The following MACROD2 variants were observed in gnomAD, a reference collection of about 807,000 sequenced individuals.
The protein encoded by MACROD2 is ADP-ribose glycohydrolase MACROD2.
Under a neutral mutation model 70.4 loss-of-function variants are expected in MACROD2, and 36 were observed. That is an observed-to-expected ratio of 0.51 (90% CI 0.39 to 0.68). The LOEUF (loss-of-function observed/expected upper bound fraction) is 0.68, where lower values mean the gene tolerates loss of function less well. Ranked by LOEUF, MACROD2 falls within the 30% of genes least tolerant of loss-of-function variation. The pLI is 0.00. For missense variants in MACROD2, 496 were observed against 538.4 expected (o/e 0.92, Z 0.78); for synonymous variants, 172 against 178.8 (o/e 0.96, Z 0.30).
intron 5 of MACROD2, among the ~76,000 whole-genome samples, chr20:15,035,435 A>G (rs2075305593): frequency 6.6e-6 from 1 of 151,880 alleles, no homozygotes; most frequent in Non-Finnish European, 1.5e-5. Flanking sequence ...ATAAAATAAT[A>G]AAATGTAGGT....
At chr20:14,499,941 T>C (rs2084897901) in intron 4 of MACROD2, among the ~76,000 whole-genome samples, 1 of 152,204 alleles carries the variant, frequency 6.6e-6, no homozygotes, top group Non-Finnish European at 1.5e-5. Context: ...TATTTACACA[T>C]TAATATTTTA....
chr20:14,802,547 A>G (rs145083631), intron 5 of MACROD2, among the ~76,000 whole-genome samples: 2 of 152,084 alleles, frequency 1.3e-5, no homozygotes, highest in Non-Finnish European at 1.5e-5. Context: ...ATTTAGACAT[A>G]TCTAGTGTAC....
At chr20:15,556,994 G>C (rs897376990) in intron 8 of MACROD2, among the ~76,000 whole-genome samples, 2 of 152,106 alleles carry the variant, frequency 1.3e-5, no homozygotes, top group Non-Finnish European at 2.9e-5. Context: ...ATATTAGCTT[G>C]ACCATTGCAA....
At chr20:14,448,752 A>T (rs1038912495) in intron 3 of MACROD2, among the ~76,000 whole-genome samples, 5 of 150,882 alleles carry the variant, frequency 3.3e-5, no homozygotes, top group Non-Finnish European at 1.5e-5. Flanking sequence ...CATGATTTAC[A>T]TTCATGATTA....
At chr20:14,071,545 C>T (rs2053842907) in intron 2 of MACROD2, among the ~76,000 whole-genome samples, 1 of 151,730 alleles carries the variant, frequency 6.6e-6, no homozygotes, top group Non-Finnish European at 1.5e-5. Context: ...CAGGTGTGAG[C>T]CACCGTGCTG....
intron 5 of MACROD2, among the ~76,000 whole-genome samples, chr20:14,753,025 G>A (rs1358298248): frequency 1.3e-5 from 2 of 152,004 alleles, no homozygotes; most frequent in Non-Finnish European, 2.9e-5. Flanking sequence ...TTGTTTGAGG[G>A]TTGCACTCAC....
chr20:15,669,179 C>G (rs910762095), intron 8 of MACROD2, among the ~76,000 whole-genome samples: 2 of 152,180 alleles, frequency 1.3e-5, no homozygotes, highest in African/African-American at 2.4e-5. Flanking sequence ...AAAGGAAACA[C>G]ATTGTACACG....
intron 15 of MACROD2, among the ~76,000 whole-genome samples, chr20:15,998,685 C>G (rs2066667067): frequency 6.6e-6 from 1 of 151,528 alleles, no homozygotes; most frequent in Non-Finnish European, 1.5e-5. Context: ...CTGCCTCAGC[C>G]TCCCAAGTGG....
intron 7 of MACROD2, among the ~76,000 whole-genome samples, chr20:15,464,381 G>C (rs545644296): frequency 6.6e-6 from 1 of 152,268 alleles, no homozygotes; most frequent in East Asian, 1.9e-4. Context: ...TCAGAAATGG[G>C]AGGGAGTGGA....
chr20:14,836,687 A>G lies in MACROD2; in HGVS notation c.418+151728A>G, dbSNP rs187607244. On this transcript the variant is annotated intron_variant, in intron 5 of 17. Coordinates refer to ENST00000684519, the MANE Select transcript of MACROD2 (RefSeq NM_001351661.2). ...TAGATAAATCCTTCCCCTTGCTCCC[A>G]TCTTGAGGATTAATTTATGGGTAAG... Among the ~76,000 whole-genome samples the G allele has an allele frequency of 3.9e-4, 59 of 152,190 alleles. 1 individual carries two copies. In the Middle Eastern group the frequency reaches 0.017, roughly 44 times the overall value.
intron 5 of MACROD2, among the ~76,000 whole-genome samples, chr20:14,848,283 CATACATATACTCTTGG>C (rs779516335): frequency 6.6e-6 from 1 of 152,142 alleles, no homozygotes; most frequent in Non-Finnish European, 1.5e-5. Context: ...TATACTTCTG[CATACATATACTCTTGG>C]ATATCATAGC....
At chr20:14,756,295 AT>A (rs2071939419) in intron 5 of MACROD2, among the ~76,000 whole-genome samples, 1 of 151,964 alleles carries the variant, frequency 6.6e-6, no homozygotes, top group Non-Finnish European at 1.5e-5. Context: ...TCTGAGCTTA[AT>A]CATGTCCCCT....
intron 2 of MACROD2, among the ~76,000 whole-genome samples, chr20:14,011,511 T>C (rs2052906440): frequency 6.6e-6 from 1 of 151,794 alleles, no homozygotes; most frequent in South Asian, 2.1e-4. Flanking sequence ...CCTGTTCAAG[T>C]AGATATTCTT....
chr20:14,000,304 C>T (rs199583179), intron 1 of MACROD2, among the ~76,000 whole-genome samples: 2 of 152,072 alleles, frequency 1.3e-5, no homozygotes, highest in East Asian at 3.9e-4. Flanking sequence ...GAATATGTCA[C>T]CTCTGATTAA....
At chr20:14,056,648 GTTA>G (rs2053633785) in intron 2 of MACROD2, among the ~76,000 whole-genome samples, 1 of 151,374 alleles carries the variant, frequency 6.6e-6, no homozygotes, top group Non-Finnish European at 1.5e-5. Flanking sequence ...GTTTACAATT[GTTA>G]TTTTCCATTT....
intron 2 of MACROD2, among the ~76,000 whole-genome samples, chr20:14,061,382 T>G (rs935219013): frequency 6.6e-6 from 1 of 152,128 alleles, no homozygotes; most frequent in African/African-American, 2.4e-5. Flanking sequence ...AAATAAAATT[T>G]CTTTTTAAAA....
At chr20:14,608,972 C>A (rs566958659) in intron 4 of MACROD2, among the ~76,000 whole-genome samples, 1 of 152,016 alleles carries the variant, frequency 6.6e-6, no homozygotes, top group East Asian at 1.9e-4. Context: ...AGTGAGGGGG[C>A]CAGTGTGTAA....
At chr20:14,818,082 A>G (rs886697664) in intron 5 of MACROD2, among the ~76,000 whole-genome samples, 1 of 152,150 alleles carries the variant, frequency 6.6e-6, no homozygotes, top group African/African-American at 2.4e-5. Context: ...GGAAGATGGA[A>G]GGATCATTTC....
intron 5 of MACROD2, among the ~76,000 whole-genome samples, chr20:14,691,069 C>CACAACA (rs1370205264): frequency 1.3e-5 from 2 of 152,170 alleles, no homozygotes; most frequent in Non-Finnish European, 2.9e-5. Context: ...AGGCATGCGC[C>CACAACA]ACAACACCCA....
Sources: allele counts gnomAD v4.1 joint callset (sites outside exome capture counted in the v4.1 genomes callset), GRCh38; gene constraint gnomAD v4.1.1; transcripts MANE v1.5; gene names NCBI Gene and HGNC (gene_info 2026-07-23, HGNC 2026-07-21).